Variants in PTK2 observed in about 807,000 individuals in gnomAD.
PTK2 encodes protein tyrosine kinase 2.
PTK2 carries 45 observed loss-of-function variants against 150.1 expected under a neutral mutation model. The ratio of observed to expected loss-of-function variants is 0.30; its 90% CI spans 0.24 to 0.38. PTK2 has a LOEUF of 0.38. Ranked by LOEUF, PTK2 falls within the 10% of genes least tolerant of loss-of-function variation. PTK2 has a pLI of 1.00. For synonymous variants in PTK2, 432 were observed against 449.2 expected (o/e 0.96, Z 0.48); for missense variants, 919 against 1,307.3 (o/e 0.70, Z 4.58).
chr8:140,678,920 T>A (rs2153507639), intron 27 of PTK2, among the ~76,000 whole-genome samples: 1 of 151,740 alleles, frequency 6.6e-6, no homozygotes, highest in African/African-American at 2.4e-5. Flanking sequence ...CCATGCCCTT[T>A]TTTTTTTAAT....
intron 22 of PTK2, among the ~76,000 whole-genome samples, chr8:140,719,887 C>CAAAAAAAAAAAAAAAAAAA (rs71308987): frequency 1.1e-5 from 1 of 90,890 alleles, no homozygotes; most frequent in African/African-American, 5.3e-5. Context: ...CTTGTCTCAC[C>CAAAAAAAAAAAAAAAAAAA]AAAAAAAAAA....
intron 12 of PTK2, among the ~76,000 whole-genome samples, chr8:140,793,613 T>C (rs1340354571): frequency 6.6e-6 from 1 of 152,176 alleles, no homozygotes; most frequent in Non-Finnish European, 1.5e-5. Flanking sequence ...TGCCTAATCA[T>C]AATAAAGAAC....
At chr8:140,898,357 T>TGCAG (rs2100157150) in intron 2 of PTK2, among the ~76,000 whole-genome samples, 1 of 152,228 alleles carries the variant, frequency 6.6e-6, no homozygotes, top group Non-Finnish European at 1.5e-5. Flanking sequence ...TACTGAGTCC[T>TGCAG]GGCTCAGCCA....
intron 23 of PTK2, among the ~76,000 whole-genome samples, 185 bp from the exon 27 acceptor site, chr8:140,706,390 A>C (rs1435707768): frequency 6.6e-6 from 1 of 152,248 alleles, no homozygotes; most frequent in Non-Finnish European, 1.5e-5. Context: ...CTGGATAGCT[A>C]CATGTGAAAA....
chr8:140,830,075 GCACACACATA>G (rs1387429063), intron 8 of PTK2, among the ~76,000 whole-genome samples: 2 of 111,816 alleles, frequency 1.8e-5, no homozygotes, highest in African/African-American at 9.1e-5. Flanking sequence ...TAACATGCAC[GCACACACATA>G]CACACACACA....
At chr8:140,798,933 T>C (rs2100093317) in intron 12 of PTK2, among the ~76,000 whole-genome samples, 1 of 152,350 alleles carries the variant, frequency 6.6e-6, no homozygotes, top group Middle Eastern at 3.4e-3. Context: ...AGGCTTTAAC[T>C]GAGAGTAACT....
chr8:140,920,422 CTA>C (rs1218853610), intron 2 of PTK2, among the ~76,000 whole-genome samples: 1 of 152,024 alleles, frequency 6.6e-6, no homozygotes, highest in Non-Finnish European at 1.5e-5. Flanking sequence ...GTAAAGAAAA[CTA>C]ATTTTTAAAA....
chr8:140,911,487 A>C (rs755536142), intron 2 of PTK2, among the ~76,000 whole-genome samples: 3 of 152,136 alleles, frequency 2.0e-5, no homozygotes, highest in Non-Finnish European at 4.4e-5. Flanking sequence ...GATTTTCAGA[A>C]ATGCAATGTT....
At chr8:140,962,462 C>T (rs2100183654) in intron 1 of PTK2, among the ~76,000 whole-genome samples, 1 of 152,166 alleles carries the variant, frequency 6.6e-6, no homozygotes, top group South Asian at 2.1e-4. Context: ...CTACTACAAA[C>T]ACACATACTC....
chr8:140,739,160 T>A, intron 20 of PTK2, 53 bp from the exon 24 acceptor site: 1 of 1,201,910 alleles, frequency 8.3e-7, no homozygotes, highest in Non-Finnish European at 1.2e-6. Context: ...CTTAAGAATC[T>A]AACAGAGCTA....
At chr8:140,698,445 A>C (rs998818986) in intron 26 of PTK2, among the ~76,000 whole-genome samples, 1 of 152,162 alleles carries the variant, frequency 6.6e-6, no homozygotes, top group Non-Finnish European at 1.5e-5. Context: ...AGTGGTAGTA[A>C]ATAATAACAT....
At chr8:140,934,733 A>G (rs1167849285) in intron 1 of PTK2, 2 of 152,246 alleles carry the variant, frequency 1.3e-5, no homozygotes, top group Non-Finnish European at 2.9e-5. Flanking sequence ...GTGTTTATCA[A>G]GTTATATTCT....
At chr8:140,728,526 ATGTT>A (rs2154353516) in intron 22 of PTK2, among the ~76,000 whole-genome samples, 2 of 152,122 alleles carry the variant, frequency 1.3e-5, no homozygotes, top group East Asian at 3.9e-4. Flanking sequence ...ATTTATTTAT[ATGTT>A]TGTTTGAGAC....
At chr8:140,685,813 T>C (rs926047297) in intron 27 of PTK2, among the ~76,000 whole-genome samples, 1 of 152,206 alleles carries the variant, frequency 6.6e-6, no homozygotes, top group African/African-American at 2.4e-5. Context: ...TCGGTCACTG[T>C]GGAAAGCAAT....
chr8:140,762,336 C>G lies in PTK2; in HGVS notation c.1235-1074G>C, dbSNP rs533855662. The stretch of plus-strand genomic sequence containing the variant: ...TCACTCCACAGGTTGCAATTGCAAG[C>G]AAATGCAGTTAATTTAAAGGAATCC... On this transcript the variant is annotated intron_variant, in intron 15 of 31. Coordinates refer to ENST00000522684, the Ensembl canonical transcript of PTK2. 25 of 1,150,206 alleles carry G rather than the reference C, an allele frequency of 2.2e-5. No individual in the cohort carries two copies. The African/African-American group carries it at 4.2e-4, about 19-fold the overall frequency. 71.3% of individuals were successfully genotyped at this position (1,150,206 alleles called of 1,614,324 possible). A position where few individuals can be genotyped will look rare whatever the true frequency, so the allele number is the denominator to read the frequency against.
intron 22 of PTK2, among the ~76,000 whole-genome samples, chr8:140,720,282 A>T (rs1334032596): frequency 6.6e-6 from 1 of 152,202 alleles, no homozygotes; most frequent in Non-Finnish European, 1.5e-5. Flanking sequence ...TTATACTTTG[A>T]AACAGTGCCT....
chr8:140,898,547 G>C (rs1296811094), intron 2 of PTK2, among the ~76,000 whole-genome samples: 3 of 152,186 alleles, frequency 2.0e-5, no homozygotes, highest in African/African-American at 7.2e-5. Context: ...TGAAGAAATA[G>C]GGCAGTTCCA....
intron 26 of PTK2, among the ~76,000 whole-genome samples, chr8:140,700,485 T>C (rs1386507118): frequency 6.6e-6 from 1 of 151,166 alleles, no homozygotes; most frequent in Non-Finnish European, 1.5e-5. Flanking sequence ...TTATTTCAAG[T>C]AGTTTTTTTT....
chr8:140,991,280 CAAT>C (rs555348207), intron 1 of PTK2, among the ~76,000 whole-genome samples: 26 of 152,132 alleles, frequency 1.7e-4, no homozygotes, highest in Non-Finnish European at 2.8e-4. Flanking sequence ...ATATGCTAGC[CAAT>C]TTTTCAGCAC....
Sources: allele counts gnomAD v4.1 joint callset (sites outside exome capture counted in the v4.1 genomes callset), GRCh38; gene constraint gnomAD v4.1.1; transcripts MANE v1.5; gene names NCBI Gene and HGNC (gene_info 2026-07-23, HGNC 2026-07-21).